Variants in ROBO2 observed in about 807,000 individuals in gnomAD.
The protein encoded by ROBO2 is roundabout guidance receptor 2, also known as roundabout homolog 2.
ROBO2 carries 53 observed loss-of-function variants against 160.8 expected under a neutral mutation model. The observed-to-expected ratio is 0.33, with a 90% CI of 0.26 to 0.41. The LOEUF is 0.41. Among genes scored for constraint, ROBO2 ranks in the 10% least tolerant of loss-of-function variants. The pLI, the probability that ROBO2 is intolerant of heterozygous loss-of-function variation, is 1.00. For synonymous variants in ROBO2, 664 were observed against 611.7 expected (o/e 1.09, Z -1.26); for missense variants, 1,577 against 1,722.4 (o/e 0.92, Z 1.49).
intron 2 of ROBO2, among the ~76,000 whole-genome samples, chr3:76,532,706 C>T (rs773426802): frequency 6.6e-6 from 1 of 152,070 alleles, no homozygotes; most frequent in African/African-American, 2.4e-5. Flanking sequence ...TTAAAAGATG[C>T]ATGTTCTAAG....
chr3:77,243,200 A>G (rs1237555987), intron 2 of ROBO2, among the ~76,000 whole-genome samples: 1 of 152,156 alleles, frequency 6.6e-6, no homozygotes, highest in Non-Finnish European at 1.5e-5. Flanking sequence ...TGCAGAATAC[A>G]TCTCAGATTG....
intron 1 of ROBO2, among the ~76,000 whole-genome samples, chr3:75,921,074 T>C (rs1327684824): frequency 6.6e-6 from 1 of 152,166 alleles, no homozygotes; most frequent in Non-Finnish European, 1.5e-5. Flanking sequence ...CCTGTGATCA[T>C]GATGCTAGCT....
intron 23 of ROBO2, among the ~76,000 whole-genome samples, chr3:77,625,676 C>T (rs2095003758): frequency 6.6e-6 from 1 of 152,032 alleles, no homozygotes; most frequent in African/African-American, 2.4e-5. Context: ...GCGGCCGGCC[C>T]ATGCAAGGCA....
intron 1 of ROBO2, among the ~76,000 whole-genome samples, chr3:77,089,846 T>C (rs965396862): frequency 6.6e-6 from 1 of 152,182 alleles, no homozygotes; most frequent in African/African-American, 2.4e-5. Context: ...AATTTAATCA[T>C]CATGAAGAAT....
At chr3:76,786,481 G>C (rs2062983164) in intron 2 of ROBO2, among the ~76,000 whole-genome samples, 1 of 151,220 alleles carries the variant, frequency 6.6e-6, no homozygotes, top group Admixed American at 6.6e-5. Flanking sequence ...AAAGAAGAGA[G>C]AGAAGGGGGA....
intron 2 of ROBO2, among the ~76,000 whole-genome samples, chr3:76,631,323 A>G (rs191895207): frequency 1.3e-5 from 2 of 152,286 alleles, no homozygotes; most frequent in Non-Finnish European, 2.9e-5. Flanking sequence ...TGGGAAAAAA[A>G]TCTTGTCATC....
intron 2 of ROBO2, among the ~76,000 whole-genome samples, chr3:76,908,020 A>G (rs1321385690): frequency 6.6e-6 from 1 of 152,052 alleles, no homozygotes; most frequent in Non-Finnish European, 1.5e-5. Context: ...TTCTATTGTT[A>G]GTAGAAACGG....
At chr3:76,300,465 A>G (rs964615893) in intron 2 of ROBO2, among the ~76,000 whole-genome samples, 2 of 152,026 alleles carry the variant, frequency 1.3e-5, no homozygotes, top group African/African-American at 2.4e-5. Context: ...TCTGGATGGA[A>G]TAGTAAGTAG....
At chr3:76,764,885 G>C (rs2061492950) in intron 2 of ROBO2, among the ~76,000 whole-genome samples, 1 of 151,632 alleles carries the variant, frequency 6.6e-6, no homozygotes, top group Non-Finnish European at 1.5e-5. Flanking sequence ...TGATAGACTT[G>C]CTGGCAAGTT....
intron 2 of ROBO2, among the ~76,000 whole-genome samples, chr3:77,348,919 T>C (rs6548500): frequency 0.98 from 149,099 of 152,006 alleles, 73,199 homozygotes; most frequent in East Asian, 1. Flanking sequence ...TTCATTTGTC[T>C]GGCTCTCTCA....
intron 2 of ROBO2, among the ~76,000 whole-genome samples, chr3:76,210,909 T>C (rs567336746): frequency 4.6e-5 from 7 of 152,264 alleles, no homozygotes; most frequent in African/African-American, 1.4e-4. Flanking sequence ...ATAATACTTT[T>C]GCTTGCACCT....
intron 2 of ROBO2, among the ~76,000 whole-genome samples, chr3:77,137,417 G>T (rs2076367076): frequency 6.6e-6 from 1 of 151,954 alleles, no homozygotes; most frequent in Non-Finnish European, 1.5e-5. Flanking sequence ...GTAGAGACGG[G>T]GTGTCTCCGT....
rs576845834 is a variant in ROBO2 at position 77,203,350 on chromosome 3, G to A, written c.388+105010G>A. On this transcript the variant is annotated intron_variant, in intron 2 of 25. Coordinates refer to ENST00000461745, the Ensembl canonical transcript of ROBO2. ...TGATCACACTCAGTTCTTGGGGGTG[G>A]GGTACTGTTACGGCATATTGAGAAT... is the stretch of plus-strand genomic sequence containing the variant. Among the ~76,000 whole-genome samples, 17 of 152,214 alleles carry A rather than the reference G, an allele frequency of 1.1e-4. No homozygotes were observed. In the East Asian group the frequency reaches 3.3e-3, roughly 29 times the overall value.
chr3:76,388,583 T>C (rs1296982321), intron 2 of ROBO2, among the ~76,000 whole-genome samples: 3 of 152,198 alleles, frequency 2.0e-5, no homozygotes, highest in Admixed American at 2.0e-4. Context: ...GTATTTACTC[T>C]TCTGTCCCTA....
intron 2 of ROBO2, among the ~76,000 whole-genome samples, chr3:76,954,686 T>A (rs887537460): frequency 2.0e-5 from 3 of 152,166 alleles, no homozygotes; most frequent in African/African-American, 7.2e-5. Flanking sequence ...AAAATAAAGT[T>A]TCCCATGGTT....
chr3:76,359,428 C>A (rs1038713108), intron 2 of ROBO2, among the ~76,000 whole-genome samples: 5 of 151,970 alleles, frequency 3.3e-5, no homozygotes, highest in African/African-American at 1.2e-4. Flanking sequence ...TTATCCTAGA[C>A]CTATAATAGC....
At chr3:77,406,701 TG>T (rs1379084556) in intron 2 of ROBO2, among the ~76,000 whole-genome samples, 1 of 152,192 alleles carries the variant, frequency 6.6e-6, no homozygotes, top group Admixed American at 6.6e-5. Flanking sequence ...TGGCTCATTT[TG>T]TTTTCACATA....
At chr3:76,372,559 C>G (rs1181172558) in intron 2 of ROBO2, among the ~76,000 whole-genome samples, 1 of 151,932 alleles carries the variant, frequency 6.6e-6, no homozygotes, top group Non-Finnish European at 1.5e-5. Flanking sequence ...GCATCTACAT[C>G]TATAACAGAT....
intron 2 of ROBO2, among the ~76,000 whole-genome samples, chr3:76,848,138 C>T (rs1577021546): frequency 6.6e-6 from 1 of 152,198 alleles, no homozygotes; most frequent in East Asian, 1.9e-4. Flanking sequence ...ACAATTGTTT[C>T]ATCTGATTCA....
Sources: gnomAD v4.1 joint callset for allele counts (sites outside exome capture counted in the v4.1 genomes callset) on GRCh38, gnomAD v4.1.1 for gene constraint, MANE v1.5 for transcripts, NCBI Gene and HGNC (gene_info 2026-07-23, HGNC 2026-07-21) for gene names.